The following RASGEF1C variants were observed in gnomAD, a reference collection of about 807,000 sequenced individuals.
RASGEF1C encodes ras-GEF domain-containing family member 1C.
Under a neutral mutation model 58.1 loss-of-function variants are expected in RASGEF1C, and 27 were observed. That is an observed-to-expected ratio of 0.46 (90% CI 0.34 to 0.64). The LOEUF is 0.64. Among genes scored for constraint, RASGEF1C ranks in the 30% least tolerant of loss-of-function variants. The pLI is 0.01. For missense variants in RASGEF1C, 502 were observed against 605.1 expected, an observed-to-expected ratio of 0.83 and a Z score of 1.79; for synonymous variants, 243 against 246.3, an observed-to-expected ratio of 0.99 and a Z score of 0.13.
chr5:180,200,123 G>A (rs945651654), intron 1 of RASGEF1C, among the ~76,000 whole-genome samples: 2 of 151,726 alleles, frequency 1.3e-5, no homozygotes, highest in Non-Finnish European at 1.5e-5. Flanking sequence ...ATCTGGGCAC[G>A]GTGGCATGTG....
chr5:180,177,802 G>A lies in RASGEF1C; in HGVS notation c.-7+31226C>T, dbSNP rs1258992172. On this transcript the variant is annotated intron_variant, in intron 1 of 13. Coordinates refer to ENST00000361132, the MANE Select transcript of RASGEF1C (RefSeq NM_175062.4). This position sits in a 1 kb window ranked among gnomAD's most constrained non-coding sequence, Gnocchi z 5.0. ...TGGGACATTTATTTGAACTGTCTGA[G>A]CAGAGCCTCTCTCTCTGCTCAGGGC... 6.6e-6 allele frequency among the ~76,000 whole-genome samples: 1 copy of A among 152,148 alleles called. No homozygotes were observed. The highest frequency in any genetic ancestry group is 2.4e-5 in the African/African-American group (1 of 41,440).
chr5:180,161,023 C>T (rs1163410635), intron 1 of RASGEF1C, among the ~76,000 whole-genome samples: 1 of 152,170 alleles, frequency 6.6e-6, no homozygotes, highest in Non-Finnish European at 1.5e-5. Context: ...AAAGAGAGGC[C>T]GGGAAGGGGC....
intron 1 of RASGEF1C, among the ~76,000 whole-genome samples, chr5:180,157,357 C>T (rs1766868405): frequency 6.6e-6 from 1 of 152,134 alleles, no homozygotes. Flanking sequence ...TGCAGTGGCT[C>T]ACGCCTGTAA....
At chr5:180,140,979 A>G (rs1249264067) in intron 1 of RASGEF1C, among the ~76,000 whole-genome samples, 1 of 152,220 alleles carries the variant, frequency 6.6e-6, no homozygotes, top group Non-Finnish European at 1.5e-5. Context: ...CAGAGTGATC[A>G]GAGCATCACG....
intron 10 of RASGEF1C, among the ~76,000 whole-genome samples, chr5:180,118,351 GC>G (rs148992919): frequency 0.15 from 23,465 of 152,086 alleles, 2,331 homozygotes; most frequent in African/African-American, 0.27. Context: ...CACTCGTGTG[GC>G]CCCCCAAGAA....
intron 6 of RASGEF1C, among the ~76,000 whole-genome samples, chr5:180,124,336 G>A (rs1186961592): frequency 6.6e-6 from 1 of 152,106 alleles, no homozygotes; most frequent in Non-Finnish European, 1.5e-5. Flanking sequence ...AGGAAGAATA[G>A]AGATCAGGGT....
At chr5:180,130,771 A>T (rs1406834656) in intron 4 of RASGEF1C, among the ~76,000 whole-genome samples, 1 of 151,872 alleles carries the variant, frequency 6.6e-6, no homozygotes, top group Admixed American at 6.6e-5. Flanking sequence ...TCTCACTCTT[A>T]CTTAGCTCCT....
chr5:180,174,570 GTGTC>G (rs1194491097), intron 1 of RASGEF1C, among the ~76,000 whole-genome samples: 4 of 146,410 alleles, frequency 2.7e-5, no homozygotes, highest in African/African-American at 1.0e-4. Context: ...GTGTGCACGT[GTGTC>G]TGTGTGTGCG....
chr5:180,193,542 G>C (rs1280907524), intron 1 of RASGEF1C, among the ~76,000 whole-genome samples: 3 of 152,034 alleles, frequency 2.0e-5, no homozygotes, highest in Non-Finnish European at 4.4e-5. Context: ...GCCAGGACCG[G>C]GGGACTCAAC....
chr5:180,135,482 G>C (rs185646835), intron 4 of RASGEF1C, among the ~76,000 whole-genome samples: 1 of 152,144 alleles, frequency 6.6e-6, no homozygotes, highest in Non-Finnish European at 1.5e-5. Flanking sequence ...CCCCGCCCAC[G>C]TTTCCCCCTT....
At chr5:180,189,294 G>A (rs1305004509) in intron 1 of RASGEF1C, among the ~76,000 whole-genome samples, 1 of 152,228 alleles carries the variant, frequency 6.6e-6, no homozygotes, top group African/African-American at 2.4e-5. Context: ...AAACACGTAA[G>A]TAAGTGTCTG....
rs113842304 is a variant in RASGEF1C, at chr5:180,128,148, G to A, written c.639+262C>T. Among the ~76,000 whole-genome samples the A allele has an allele frequency of 5.9e-5, 9 of 152,338 alleles. No individual in the cohort carries two copies. The South Asian group carries it at 1.4e-3, about 25-fold the overall frequency. ...GTGATGGAGACATGAGCGAGCGCACGGGAGCGCGCTGAAGAGTGCCTGGAG... is the reference window on the plus strand; with the variant it reads ...GTGATGGAGACATGAGCGAGCGCACAGGAGCGCGCTGAAGAGTGCCTGGAG... On this transcript the variant is annotated intron_variant, in intron 5 of 13. Transcript: ENST00000361132.
In RASGEF1C at chr5:180,209,081, G is replaced by A. The variant is rs910948527; in HGVS notation, c.-60C>T. On this transcript the variant is annotated 5_prime_UTR_variant, in exon 1 of 14. Transcript: ENST00000361132. ...CCGGCCCATGGGCAGCTCCCGGTGC[G>A]AGCCTCGGCGCCGCGGACCGGGGCG... 1.1e-4 allele frequency: 15 copies of A among 140,754 alleles called. No homozygotes were observed. The highest frequency in any genetic ancestry group is 8.8e-4 in the East Asian group (4 of 4,550). The allele number at this position is 140,754 out of a possible 1,614,324, so 8.7% of individuals were successfully genotyped here.
At chr5:180,110,234 T>A (rs1582259861) in intron 12 of RASGEF1C, among the ~76,000 whole-genome samples, 1 of 152,072 alleles carries the variant, frequency 6.6e-6, no homozygotes, top group Non-Finnish European at 1.5e-5. Flanking sequence ...CTCAGACAGG[T>A]TTATTCATCA....
intron 1 of RASGEF1C, among the ~76,000 whole-genome samples, chr5:180,170,454 C>A (rs370785191): frequency 3.3e-5 from 5 of 152,338 alleles, no homozygotes; most frequent in African/African-American, 9.6e-5. Flanking sequence ...GGGCCAGGGA[C>A]GCAAGTTGTA....
intron 6 of RASGEF1C, among the ~76,000 whole-genome samples, chr5:180,125,657 C>T (rs922991735): frequency 1.3e-5 from 2 of 152,110 alleles, no homozygotes; most frequent in East Asian, 3.9e-4. Context: ...TGGCGCATGC[C>T]TGTAATCCCA....
At chr5:180,196,934 G>A (rs1396590032) in intron 1 of RASGEF1C, among the ~76,000 whole-genome samples, 2 of 152,238 alleles carry the variant, frequency 1.3e-5, no homozygotes, top group Admixed American at 1.3e-4. Context: ...GCATTTCTGA[G>A]TAACACCAGG....
intron 1 of RASGEF1C, among the ~76,000 whole-genome samples, chr5:180,165,581 G>A (rs1253651255): frequency 6.6e-6 from 1 of 150,882 alleles, no homozygotes; most frequent in East Asian, 2.0e-4. Context: ...TGAGGCAGGA[G>A]AATCACTTGA....
intron 3 of RASGEF1C, chr5:180,136,786 G>T: frequency 4.1e-6 from 2 of 484,312 alleles, no homozygotes; most frequent in Non-Finnish European, 7.4e-6. Flanking sequence ...TGCGGGGAGT[G>T]GGGAGTCCTC....
Sources: gnomAD v4.1 joint callset for allele counts (sites outside exome capture counted in the v4.1 genomes callset) on GRCh38, gnomAD v4.1.1 for gene constraint, Gnocchi (gnomAD v3.1) non-coding constraint, MANE v1.5 for transcripts, NCBI Gene and HGNC (gene_info 2026-07-23, HGNC 2026-07-21) for gene names.